FAAH2: variants seen among roughly 807,000 people sequenced by gnomAD.
The protein encoded by FAAH2 is fatty-acid amide hydrolase 2.
In FAAH2, 60 loss-of-function variants were observed where a neutral mutation model predicts 36.9. The ratio of observed to expected loss-of-function variants is 1.63; its 90% CI spans 1.32 to 2.02. The LOEUF (loss-of-function observed/expected upper bound fraction) is 2.02. Among genes scored for constraint, FAAH2 ranks in the 30% most tolerant of loss-of-function variants. The pLI is 0.00. For missense variants in FAAH2, 689 were observed against 397.5 expected (o/e 1.73, Z -6.23); for synonymous variants, 214 against 143.8 (o/e 1.49, Z -3.49).
chrX:57,309,785 T>C (rs1422083753), intron 2 of FAAH2, among the ~76,000 whole-genome samples: 1 of 112,011 alleles, frequency 8.9e-6, no homozygotes, highest in Non-Finnish European at 1.9e-5. Context: ...GAATATGATC[T>C]CATTTCTTTT....
At chrX:57,253,740 G>A in the FAAH2 span, among the ~76,000 whole-genome samples, 1 of 111,349 alleles carries the variant, frequency 9.0e-6, no homozygotes, top group Non-Finnish European at 1.9e-5. Flanking sequence ...TCACCACAAG[G>A]CCTGCCTCAC....
intron 7 of FAAH2, among the ~76,000 whole-genome samples, chrX:57,419,188 G>T (rs1003145279): frequency 9.0e-6 from 1 of 111,202 alleles, no homozygotes; most frequent in African/African-American, 3.3e-5. Flanking sequence ...ATATGTGCAT[G>T]TGTCTTTATA....
intron 7 of FAAH2, among the ~76,000 whole-genome samples, chrX:57,392,486 G>A (rs1393295340): frequency 9.0e-6 from 1 of 111,668 alleles, no homozygotes; most frequent in African/African-American, 3.3e-5. Context: ...GAGAATTAAG[G>A]CTGAAAATGA....
At chrX:57,172,334 C>T in the FAAH2 span, among the ~76,000 whole-genome samples, 1 of 111,093 alleles carries the variant, frequency 9.0e-6, no homozygotes, top group African/African-American at 3.3e-5. Flanking sequence ...GGGTGTGAGA[C>T]GTGGGGAGTG....
the FAAH2 span, among the ~76,000 whole-genome samples, chrX:57,236,417 A>G: frequency 8.9e-6 from 1 of 112,369 alleles, no homozygotes; most frequent in Non-Finnish European, 1.9e-5. Flanking sequence ...GAATCTCCGC[A>G]GTGTTTTCCA....
intron 2 of FAAH2, among the ~76,000 whole-genome samples, chrX:57,305,830 T>G (rs1007369509): frequency 9.0e-6 from 1 of 111,594 alleles, no homozygotes; most frequent in African/African-American, 3.3e-5. Flanking sequence ...ATCACAGACT[T>G]TCTCCTTCAG....
At chrX:57,227,205 G>A in the FAAH2 span, among the ~76,000 whole-genome samples, 11 of 110,639 alleles carry the variant, frequency 9.9e-5, no homozygotes, top group Admixed American at 1.9e-4. Flanking sequence ...AACTCGGGTC[G>A]GGGGGTGTTG....
rs539729120 is a variant in FAAH2, at chrX:57,472,019, C to T, written c.1424-16738C>T. ...AGGATTCCCTATTTAACAGGTGGTG[C>T]TGGGAAAACTGGCTAGCCATATGTA... On this transcript the variant is annotated intron_variant, in intron 10 of 10. Transcript: ENST00000374900. Among the ~76,000 whole-genome samples, 146 of 112,008 alleles carry T rather than the reference C, an allele frequency of 1.3e-3. 2 individuals carry two copies. The South Asian group carries it at 0.054, about 41-fold the overall frequency.
At chrX:57,412,628 G>A (rs191685854) in intron 7 of FAAH2, among the ~76,000 whole-genome samples, 3 of 112,115 alleles carry the variant, frequency 2.7e-5, no homozygotes, top group East Asian at 2.8e-4. Context: ...TATTATTGAT[G>A]GGTATTTGCC....
Position 57,345,152 on chromosome X carries a change from G to T in FAAH2, c.742+3762G>T, listed in dbSNP as rs188953782. ...TTTTTTTTTTGGAATAGTTTCAGTA[G>T]TATTGGTACCAGGTTTTCTCCCTTC... On this transcript the variant is annotated intron_variant, in intron 5 of 10. Transcript: ENST00000374900. Among the ~76,000 whole-genome samples the T allele has an allele frequency of 2.8e-4, 29 of 105,077 alleles. 1 individual carries two copies. Among genetic ancestry groups the T allele is most frequent in the Admixed American group, 8.2e-4 (8 of 9,707 alleles). 91.2% of individuals were successfully genotyped at this position (105,077 alleles called of 115,157 possible).
the FAAH2 span, among the ~76,000 whole-genome samples, chrX:57,260,748 T>G: frequency 1.8e-5 from 2 of 111,178 alleles, no homozygotes; most frequent in African/African-American, 6.5e-5. Flanking sequence ...AGGATATGTG[T>G]GTGTGTGTGT....
the FAAH2 span, among the ~76,000 whole-genome samples, chrX:57,183,761 C>T: frequency 9.0e-6 from 1 of 111,099 alleles, no homozygotes. Context: ...TGAAAAAGAA[C>T]AGAATAACAG....
chrX:57,250,396 C>A, the FAAH2 span, among the ~76,000 whole-genome samples: 19 of 111,513 alleles, frequency 1.7e-4, no homozygotes, highest in African/African-American at 6.2e-4. Context: ...AACATTATGG[C>A]ATTCAACACT....
the FAAH2 span, among the ~76,000 whole-genome samples, chrX:57,233,789 G>A: frequency 6.2e-5 from 7 of 112,569 alleles, no homozygotes; most frequent in East Asian, 8.4e-4. Flanking sequence ...ACAGGCGTGC[G>A]CCACCACGCT....
At chrX:57,330,253 G>C (rs772833344) in intron 3 of FAAH2, among the ~76,000 whole-genome samples, 2 of 111,820 alleles carry the variant, frequency 1.8e-5, no homozygotes, top group African/African-American at 6.5e-5. Context: ...GAACATCCCT[G>C]AGAAAGAGAA....
At chrX:57,449,921 C>T (rs1339076979) in intron 10 of FAAH2, among the ~76,000 whole-genome samples, 1 of 111,737 alleles carries the variant, frequency 8.9e-6, no homozygotes, top group East Asian at 2.8e-4. Flanking sequence ...CCGCCTTGGC[C>T]TCCCAGAGTG....
the FAAH2 span, among the ~76,000 whole-genome samples, chrX:57,175,611 T>A: frequency 9.0e-6 from 1 of 111,600 alleles, no homozygotes; most frequent in African/African-American, 3.2e-5. Flanking sequence ...GTCTTCATGT[T>A]GACTTTTACC....
intron 10 of FAAH2, among the ~76,000 whole-genome samples, chrX:57,477,738 G>A (rs1261182412): frequency 9.2e-6 from 1 of 108,570 alleles, no homozygotes; most frequent in Non-Finnish European, 1.9e-5. Flanking sequence ...GAACATGCAG[G>A]GTTTGGTTTT....
the FAAH2 span, among the ~76,000 whole-genome samples, chrX:57,167,205 A>T: frequency 9.0e-6 from 1 of 111,499 alleles, no homozygotes; most frequent in African/African-American, 3.3e-5. Flanking sequence ...GACCACACTT[A>T]TTTAACTGTA....
Sources: allele counts gnomAD v4.1 joint callset (sites outside exome capture counted in the v4.1 genomes callset), GRCh38; gene constraint gnomAD v4.1.1; transcripts MANE v1.5; gene names NCBI Gene and HGNC (gene_info 2026-07-23, HGNC 2026-07-21).